Variants in EYS observed in about 807,000 individuals in gnomAD.
The protein encoded by EYS is protein eyes shut homolog.
EYS carries 250 observed loss-of-function variants against 282.1 expected under a neutral mutation model. The ratio of observed to expected loss-of-function variants is 0.89; its 90% CI spans 0.80 to 0.98. The LOEUF (loss-of-function observed/expected upper bound fraction) is 0.98, where lower values mean the gene tolerates loss of function less well. EYS is among the 50% of genes least tolerant of loss of function. EYS has a pLI of 0.00. For synonymous variants in EYS, 1,355 were observed against 1,282.9 expected (o/e 1.06, Z -1.20); for missense variants, 4,016 against 3,709.0 (o/e 1.08, Z -2.15).
chr6:65,286,376 C>T (rs1373208270), intron 12 of EYS, among the ~76,000 whole-genome samples: 1 of 151,670 alleles, frequency 6.6e-6, no homozygotes, highest in African/African-American at 2.4e-5. Flanking sequence ...TCCCATTCAT[C>T]TTTCAAGGAT....
intron 12 of EYS, among the ~76,000 whole-genome samples, chr6:65,194,606 G>A (rs749821023): frequency 1.8e-4 from 27 of 151,976 alleles, no homozygotes; most frequent in Admixed American, 3.3e-4. Flanking sequence ...CAGAAATCAC[G>A]TTCATTTAAA....
chr6:63,955,619 G>A (rs544154395), intron 35 of EYS, among the ~76,000 whole-genome samples: 2 of 152,050 alleles, frequency 1.3e-5, no homozygotes, highest in East Asian at 3.9e-4. Flanking sequence ...AATCACTGAG[G>A]CCTTGACTTA....
intron 29 of EYS, among the ~76,000 whole-genome samples, chr6:64,376,974 T>G (rs1166357805): frequency 1.3e-5 from 2 of 152,076 alleles, no homozygotes; most frequent in African/African-American, 4.8e-5. Context: ...AGAAAGGCTT[T>G]GTGAATATTT....
chr6:64,449,668 C>T (rs1480727720), intron 26 of EYS, among the ~76,000 whole-genome samples: 2 of 152,180 alleles, frequency 1.3e-5, no homozygotes, highest in Non-Finnish European at 2.9e-5. Flanking sequence ...TCCACAGAAA[C>T]TCTACAAGCC....
chr6:65,066,734 C>T (rs1278376562), intron 12 of EYS, among the ~76,000 whole-genome samples: 1 of 152,052 alleles, frequency 6.6e-6, no homozygotes, highest in Non-Finnish European at 1.5e-5. Context: ...AAATGAGTTC[C>T]TTTCTTAGTA....
At chr6:63,807,386 A>C (rs74538725) in intron 36 of EYS, among the ~76,000 whole-genome samples, 1,810 of 152,210 alleles carry the variant, frequency 0.012, 31 homozygotes, top group African/African-American at 0.042. Context: ...TAAGAAATAT[A>C]CTCACTCTGG....
At chr6:65,375,038 G>A (rs1562132509) in intron 8 of EYS, among the ~76,000 whole-genome samples, 1 of 152,178 alleles carries the variant, frequency 6.6e-6, no homozygotes, top group Admixed American at 6.5e-5. Flanking sequence ...TCTGCTAAGG[G>A]ATAGACTGCC....
chr6:65,182,238 A>C (rs1296434), intron 12 of EYS, among the ~76,000 whole-genome samples: 1,653 of 151,142 alleles, frequency 0.011, 26 homozygotes, highest in African/African-American at 0.038. Context: ...ATAAAAAAAC[A>C]AATCCAACTT....
intron 22 of EYS, among the ~76,000 whole-genome samples, chr6:64,768,645 C>A (rs1015886992): frequency 6.6e-6 from 1 of 152,112 alleles, no homozygotes; most frequent in African/African-American, 2.4e-5. Context: ...TTGATAAAGA[C>A]ATATTTAACT....
chr6:65,420,044 T>A (rs1767395639), intron 5 of EYS, among the ~76,000 whole-genome samples: 1 of 152,034 alleles, frequency 6.6e-6, no homozygotes, highest in African/African-American at 2.4e-5. Context: ...CTGATGGAAT[T>A]CTTTCCTCAA....
At chr6:65,614,404 T>C (rs1411889155) in intron 2 of EYS, among the ~76,000 whole-genome samples, 1 of 152,094 alleles carries the variant, frequency 6.6e-6, no homozygotes, top group Non-Finnish European at 1.5e-5. Flanking sequence ...GTAATATGTA[T>C]GGATATCTCC....
At chr6:64,271,653 C>T (rs1482317264) in intron 30 of EYS, among the ~76,000 whole-genome samples, 1 of 151,932 alleles carries the variant, frequency 6.6e-6, no homozygotes. Context: ...TTTTAAATTG[C>T]TAACTTAATT....
At chr6:64,535,987 A>AT (rs1764506400) in intron 26 of EYS, among the ~76,000 whole-genome samples, 1 of 152,016 alleles carries the variant, frequency 6.6e-6, no homozygotes, top group East Asian at 1.9e-4. Flanking sequence ...GCTTAGTTTT[A>AT]TTTTTAATTC....
chr6:64,798,357 C>CA (rs545415469), intron 22 of EYS, among the ~76,000 whole-genome samples: 1 of 151,742 alleles, frequency 6.6e-6, no homozygotes, highest in African/African-American at 2.4e-5. Context: ...TAGGAGATAT[C>CA]AAAAAATATG....
chr6:65,293,503 G>A (rs1176708880), intron 12 of EYS, among the ~76,000 whole-genome samples: 1 of 151,810 alleles, frequency 6.6e-6, no homozygotes, highest in Non-Finnish European at 1.5e-5. Flanking sequence ...GAGATTAGTG[G>A]TTTTCTGCAG....
chr6:63,978,166 T>C (rs1345771444), intron 35 of EYS, among the ~76,000 whole-genome samples: 1 of 152,008 alleles, frequency 6.6e-6, no homozygotes, highest in Admixed American at 6.6e-5. Context: ...GAATGAATTA[T>C]GTAGAAAATA....
intron 22 of EYS, among the ~76,000 whole-genome samples, chr6:64,768,241 G>T (rs1021964472): frequency 6.6e-6 from 1 of 151,968 alleles, no homozygotes; most frequent in Non-Finnish European, 1.5e-5. Flanking sequence ...TTCATATTAA[G>T]ATTCTGCAAA....
At chr6:64,601,363 T>C (rs1264485826) in intron 24 of EYS, among the ~76,000 whole-genome samples, 2 of 152,086 alleles carry the variant, frequency 1.3e-5, no homozygotes, top group Non-Finnish European at 2.9e-5. Context: ...TGTACAGTAC[T>C]GAACTGCTGA....
chr6:64,601,142 G>T (rs1374151383), intron 24 of EYS, among the ~76,000 whole-genome samples: 1 of 151,772 alleles, frequency 6.6e-6, no homozygotes, highest in Non-Finnish European at 1.5e-5. Context: ...CTCTAGTTTG[G>T]AATTTATCAT....
Sources: allele counts gnomAD v4.1 joint callset (sites outside exome capture counted in the v4.1 genomes callset), GRCh38; gene constraint gnomAD v4.1.1; transcripts MANE v1.5; gene names NCBI Gene and HGNC (gene_info 2026-07-23, HGNC 2026-07-21).